Variants in OTOGL observed in about 807,000 individuals in gnomAD.
The protein encoded by OTOGL is otogelin-like protein.
In OTOGL, 285 loss-of-function variants were observed where a neutral mutation model predicts 318.5. The ratio of observed to expected loss-of-function variants is 0.89; its 90% CI spans 0.81 to 0.99. The LOEUF is 0.99. OTOGL is among the 50% of genes least tolerant of loss of function. The probability of loss-of-function intolerance (pLI) is 0.00; values close to 1 mark genes in which losing one functional copy is unlikely to be tolerated. For missense variants in OTOGL, 2,899 were observed against 2,845.6 expected (o/e 1.02, Z -0.43); for synonymous variants, 987 against 936.5 (o/e 1.05, Z -0.99).
At chr12:80,275,881 T>C (rs1480085783) in intron 24 of OTOGL, among the ~76,000 whole-genome samples, 1 of 151,764 alleles carries the variant, frequency 6.6e-6, no homozygotes, top group Non-Finnish European at 1.5e-5. Context: ...AAGGTATGTA[T>C]ATTTTTTAGA....
chr12:80,320,514 G>A lies in OTOGL; in HGVS notation c.3895G>A (p.Ala1299Thr). Reference sequence around the variant, plus strand: ...TACTCTTAGCTTGGAGCTGTGGGAGGCGAATTCAGCCTTTCATCGGAGAGC... The same window carrying A: ...TACTCTTAGCTTGGAGCTGTGGGAGACGAATTCAGCCTTTCATCGGAGAGC... ...NDTLSLELWEANSAFHRRATF... is the reference protein window; with the variant it reads ...NDTLSLELWETNSAFHRRATF... Residue 1299 changes from alanine (A) to threonine (T), a missense_variant, in exon 34 of 59, where the codon GCG (alanine) becomes ACG (threonine). Physicochemically the swap from Ala to Thr is moderately conservative, Grantham distance 58. This residue lies in a region of OTOGL where 2,607 missense variants were observed against 2,524.9 expected (regional missense o/e 1.03). Transcript: ENST00000547103. 2 of 1,613,636 alleles carry A rather than the reference G, an allele frequency of 1.2e-6. No individual in the cohort carries two copies. Among genetic ancestry groups the A allele is most frequent in the Non-Finnish European group, 8.5e-7 (1 of 1,179,732 alleles).
At position 80,270,300 on chromosome 12, in the gene OTOGL, C is replaced by T. The variant is rs1592637033; in HGVS notation, c.2518+146C>T. On this transcript the variant is annotated intron_variant, in intron 23 of 58. Coordinates refer to ENST00000547103, the MANE Select transcript of OTOGL (RefSeq NM_001378609.3). ...TCTTCAACATGGTGTTCCAGTGCTT[C>T]TTAACTTTTTCCACATTGAAAATTA... 3.1e-5 allele frequency: 21 copies of T among 683,728 alleles called. No homozygotes were observed. In the East Asian group the frequency reaches 5.5e-4, roughly 18 times the overall value. 42.4% of individuals were successfully genotyped at this position (683,728 alleles called of 1,614,324 possible).
chr12:80,223,790 T>G (rs1399993955), intron 7 of OTOGL, among the ~76,000 whole-genome samples: 1 of 152,174 alleles, frequency 6.6e-6, no homozygotes, highest in Non-Finnish European at 1.5e-5. Flanking sequence ...GTTTTTTTCT[T>G]GCTAATTTGT....
chr12:80,355,029 T>C (rs1889781071), intron 46 of OTOGL, among the ~76,000 whole-genome samples: 1 of 152,112 alleles, frequency 6.6e-6, no homozygotes, highest in African/African-American at 2.4e-5. Context: ...CACTCATTTT[T>C]AACAGTTACT....
At chr12:80,314,494 G>A (rs1029190988) in intron 32 of OTOGL, among the ~76,000 whole-genome samples, 163 bp downstream of exon 32, 11 of 151,948 alleles carry the variant, frequency 7.2e-5, no homozygotes, top group Non-Finnish European at 1.5e-4. Flanking sequence ...AAATTTCTCA[G>A]TATTTGTGTT....
rs1440846024 is a variant in OTOGL at position 80,313,637 on chromosome 12, G to A, written c.3607+5G>A. ...GGAGATCATCTACTGTTTGTTGTAA[G>A]TACCCTACTTAGAACATCATTATGT... On this transcript the variant is annotated splice_donor_5th_base_variant and intron_variant, in intron 31 of 58. Coordinates refer to ENST00000547103, the MANE Select transcript of OTOGL (RefSeq NM_001378609.3). 3 of 1,605,944 alleles carry A rather than the reference G, an allele frequency of 1.9e-6. No homozygotes were observed. Among genetic ancestry groups the A allele is most frequent in the South Asian group, 2.2e-5 (2 of 90,510 alleles).
intron 44 of OTOGL, among the ~76,000 whole-genome samples, chr12:80,346,146 C>A (rs4561270): frequency 6.6e-6 from 1 of 152,042 alleles, no homozygotes; most frequent in Non-Finnish European, 1.5e-5. Flanking sequence ...GGGTGTATTT[C>A]TTTTTCTCTC....
intron 26 of OTOGL, among the ~76,000 whole-genome samples, chr12:80,292,232 C>G (rs1298176459): frequency 1.3e-5 from 2 of 152,208 alleles, no homozygotes; most frequent in Admixed American, 1.3e-4. Context: ...AGGAGATCAG[C>G]CTGCCTCGGC....
intron 1 of OTOGL, among the ~76,000 whole-genome samples, chr12:80,164,085 T>A (rs760910681): frequency 3.3e-5 from 5 of 152,158 alleles, no homozygotes; most frequent in Non-Finnish European, 7.4e-5. Flanking sequence ...AAATCTTGGC[T>A]CTACTGTGTA....
chr12:80,263,969 A>G (rs1413952494), intron 19 of OTOGL, among the ~76,000 whole-genome samples: 2 of 152,104 alleles, frequency 1.3e-5, no homozygotes, highest in South Asian at 2.1e-4. Flanking sequence ...TTATATACAT[A>G]TACATTCTGA....
chr12:80,110,092 G>C (rs1431381470), intron 1 of OTOGL, among the ~76,000 whole-genome samples: 3 of 134,792 alleles, frequency 2.2e-5, no homozygotes, highest in East Asian at 4.2e-4. Flanking sequence ...TTTTTGAGAC[G>C]GAGTCTCACT....
At chr12:80,373,915 C>T (rs1189163144) in intron 57 of OTOGL, among the ~76,000 whole-genome samples, 1 of 152,076 alleles carries the variant, frequency 6.6e-6, no homozygotes, top group Non-Finnish European at 1.5e-5. Context: ...GAATGATAAG[C>T]TCTGCTGAAG....
intron 16 of OTOGL, among the ~76,000 whole-genome samples, chr12:80,255,482 G>A (rs761736648): frequency 2.0e-4 from 30 of 151,896 alleles, no homozygotes; most frequent in Non-Finnish European, 4.0e-4. Flanking sequence ...TTAAAAAGTA[G>A]TACGTATAGT....
In OTOGL at chr12:80,122,073, T is replaced by C. The variant is rs55875228; in HGVS notation, c.-20+22468T>C. Among the ~76,000 whole-genome samples the C allele has an allele frequency of 5.6e-3, 848 of 152,278 alleles. 9 individuals carry two copies. The highest frequency in any genetic ancestry group is 0.019 in the African/African-American group (807 of 41,566). On this transcript the variant is annotated intron_variant, in intron 1 of 58. Coordinates refer to ENST00000547103, the MANE Select transcript of OTOGL (RefSeq NM_001378609.3). ...GGCTCAAACTGTCTCATTTGAATCA[T>C]TTTTGATTAAGAAAAATACCACAAA...
At chr12:80,145,483 A>C (rs1031082542) in intron 1 of OTOGL, among the ~76,000 whole-genome samples, 23 of 152,056 alleles carry the variant, frequency 1.5e-4, no homozygotes, top group African/African-American at 5.6e-4. Context: ...GTTTGAAGTC[A>C]GGTAGTGTGA....
chr12:80,227,798 C>T (rs938777636), intron 7 of OTOGL, among the ~76,000 whole-genome samples: 1 of 152,126 alleles, frequency 6.6e-6, no homozygotes, highest in Admixed American at 6.6e-5. Context: ...CTTTCTCTCT[C>T]TCACGCTCCA....
At chr12:80,270,359 A>T (rs186631275) in intron 23 of OTOGL, among the ~76,000 whole-genome samples, 1 of 152,210 alleles carries the variant, frequency 6.6e-6, no homozygotes, top group East Asian at 1.9e-4. Flanking sequence ...TTGAACATAT[A>T]AGTCAGCTCA....
chr12:80,356,583 A>C (rs190717033), intron 48 of OTOGL, 63 bp downstream of exon 48: 15 of 1,269,196 alleles, frequency 1.2e-5, no homozygotes, highest in Middle Eastern at 2.7e-4. Context: ...AGTGAATTAG[A>C]TTCTCATTCA....
intron 1 of OTOGL, among the ~76,000 whole-genome samples, chr12:80,132,275 A>AT (rs1199331906): frequency 2.0e-5 from 3 of 151,984 alleles, no homozygotes; most frequent in Non-Finnish European, 4.4e-5. Flanking sequence ...CTTTATTTGT[A>AT]TTTTTTATTT....
Sources: gnomAD v4.1 joint callset for allele counts (sites outside exome capture counted in the v4.1 genomes callset) on GRCh38, gnomAD v4.1.1 for gene constraint, gnomAD v4.1.1 regional missense constraint, MANE v1.5 for transcripts, NCBI Gene and HGNC (gene_info 2026-07-23, HGNC 2026-07-21) for gene names.